The following CSNK2A1 variants were observed in gnomAD, a reference collection of about 807,000 sequenced individuals.
The protein encoded by CSNK2A1 is casein kinase II subunit alpha.
A neutral mutation model predicts 62.9 loss-of-function variants in CSNK2A1; 10 were observed. The observed-to-expected ratio is 0.16, with a 90% CI of 0.10 to 0.27. CSNK2A1 has a LOEUF of 0.27. CSNK2A1 is among the 10% of genes least tolerant of loss of function. CSNK2A1 has a pLI of 1.00. For synonymous variants in CSNK2A1, 124 were observed against 167.8 expected (o/e 0.74, Z 2.02); for missense variants, 160 against 492.0 (o/e 0.33, Z 6.38).
intron 11 of CSNK2A1, 46 bp downstream of exon 11, chr20:488,632 C>CA: frequency 6.3e-7 from 1 of 1,584,736 alleles, no homozygotes; most frequent in Non-Finnish European, 8.6e-7. Context: ...AGTTCACTCT[C>CA]AAAGTGCTTA....
At chr20:485,099 A>ATAATAATAATAATAAT (rs2018056429) in intron 13 of CSNK2A1, among the ~76,000 whole-genome samples, 3 of 34,458 alleles carry the variant, frequency 8.7e-5, no homozygotes, top group Admixed American at 4.4e-4. Context: ...AAAAAAAAAA[A>ATAATAATAATAATAAT]AAAAAAAAAA....
chr20:541,611 G>A (rs1425922687), intron 1 of CSNK2A1, among the ~76,000 whole-genome samples: 1 of 152,176 alleles, frequency 6.6e-6, no homozygotes, highest in African/African-American at 2.4e-5. Context: ...GCGCAGTATG[G>A]AAAAGGAGTT....
rs6052492 is a variant in CSNK2A1, at chr20:500,963, A to T, written c.214-1029T>A. 26 of 152,028 alleles carry T rather than the reference A, an allele frequency of 1.7e-4. 1 individual carries two copies. The highest frequency in any genetic ancestry group is 6.3e-4 in the African/African-American group (26 of 41,392). 9.4% of individuals were successfully genotyped at this position (152,028 alleles called of 1,614,324 possible). ...GAGTATTCTGCAGAGCATATCTTAA[A>T]CATTCCTTTGTCCTTACCCATTCTT... On this transcript the variant is annotated intron_variant, in intron 4 of 13. Transcript: ENST00000217244.
intron 2 of CSNK2A1, among the ~76,000 whole-genome samples, chr20:510,680 A>G (rs574474548): frequency 6.6e-6 from 1 of 152,334 alleles, no homozygotes; most frequent in Admixed American, 6.5e-5. Flanking sequence ...CGTAAAGGGA[A>G]TAGAGATGCC....
At chr20:506,396 G>C (rs1805863378) in intron 3 of CSNK2A1, 1 of 152,128 alleles carries the variant, frequency 6.6e-6, no homozygotes, top group Non-Finnish European at 1.5e-5. Context: ...GTAGTACGAA[G>C]CACATTATAG....
intron 9 of CSNK2A1, among the ~76,000 whole-genome samples, chr20:490,335 C>CTTTTTTTTTTTTTT (rs907727482): frequency 5.9e-5 from 5 of 84,786 alleles, no homozygotes; most frequent in East Asian, 3.4e-4. Context: ...CTAGTTTTTT[C>CTTTTTTTTTTTTTT]TTTTTTTTTT....
At chr20:523,858 C>CAAAAAAAAAAAAAAAAAAAA (rs11401840) in intron 2 of CSNK2A1, among the ~76,000 whole-genome samples, 4 of 45,540 alleles carry the variant, frequency 8.8e-5, no homozygotes, top group African/African-American at 3.7e-4. Flanking sequence ...GACTCCATCT[C>CAAAAAAAAAAAAAAAAAAAA]AAAAAAAAAA....
Position 483,786 on chromosome 20 carries a change from G to A in CSNK2A1, c.*175C>T. ...TCGAGTTAAAAAAAAAAAGAAAAAA[G>A]AAAATCAGCCTATTATAATTTTTTT... is the stretch of plus-strand genomic sequence containing the variant. On this transcript the variant is annotated 3_prime_UTR_variant, in exon 14 of 14. Coordinates refer to ENST00000217244, the MANE Select transcript of CSNK2A1 (RefSeq NM_177559.3). 1 of 419,624 alleles carries A rather than the reference G, an allele frequency of 2.4e-6. No homozygotes were observed. 26.0% of individuals were successfully genotyped at this position (419,624 alleles called of 1,614,324 possible). A position where few individuals can be genotyped will look rare whatever the true frequency, so the allele number is the denominator to read the frequency against.
At chr20:488,874 T>C (rs770999955) in intron 10 of CSNK2A1, 96 bp from the exon 11 acceptor site, 1 of 1,160,614 alleles carries the variant, frequency 8.6e-7, no homozygotes, top group South Asian at 1.4e-5. Context: ...CGGGTCATCA[T>C]GTCTACAGGT....
chr20:518,332 T>C (rs1353785481), intron 2 of CSNK2A1, among the ~76,000 whole-genome samples: 1 of 152,140 alleles, frequency 6.6e-6, no homozygotes. Context: ...AGGTGGGACT[T>C]CAGAGGCATA....
At chr20:509,877 A>G (rs1472193170) in intron 2 of CSNK2A1, among the ~76,000 whole-genome samples, 2 of 152,108 alleles carry the variant, frequency 1.3e-5, no homozygotes, top group African/African-American at 4.8e-5. Flanking sequence ...GCACCCAGCC[A>G]TAACTTCAAT....
At position 499,003 on chromosome 20, in the gene CSNK2A1, AG is replaced by A; in HGVS notation, c.366+251del. On this transcript the variant is annotated intron_variant, in intron 6 of 13. Transcript: ENST00000217244. This position sits in a 1 kb window ranked among gnomAD's most constrained non-coding sequence, Gnocchi z 4.2. ...TGCCTTCATTAGGTTGGACATCAGC[AG>A]AAACTGTCAACTAAGTAGTGAGAAG... 3.8e-6 allele frequency: 1 copy of A among 263,262 alleles called. No homozygotes were observed. 16.3% of individuals were successfully genotyped at this position (263,262 alleles called of 1,614,324 possible).
intron 1 of CSNK2A1, among the ~76,000 whole-genome samples, chr20:537,425 A>ACTC (rs2019357772): frequency 6.6e-6 from 1 of 152,170 alleles, no homozygotes; most frequent in Non-Finnish European, 1.5e-5. Flanking sequence ...CACTCTTAGC[A>ACTC]GTATCTTGTG....
intron 9 of CSNK2A1, 31 bp downstream of exon 9, chr20:492,223 A>T (rs758857017): frequency 6.3e-7 from 1 of 1,583,502 alleles, no homozygotes; most frequent in African/African-American, 1.3e-5. Flanking sequence ...TAAACACAGG[A>T]TCAAAACTGT....
intron 3 of CSNK2A1, chr20:505,780 T>C (rs2018569058): frequency 6.6e-6 from 1 of 152,042 alleles, no homozygotes; most frequent in African/African-American, 2.4e-5. Context: ...TTTACATCTT[T>C]ATTGGCACAT....
chr20:511,703 T>C (rs866423744), intron 2 of CSNK2A1, among the ~76,000 whole-genome samples: 3,228 of 151,018 alleles, frequency 0.021, 84 homozygotes, highest in African/African-American at 0.062. Flanking sequence ...TGTATATATA[T>C]ACACACACAC....
Position 489,901 on chromosome 20 carries a change from CTGT to C in CSNK2A1, c.622-23_622-21del, listed in dbSNP as rs764074374. On this transcript the variant is annotated intron_variant, in intron 9 of 13. Coordinates refer to ENST00000217244, the MANE Select transcript of CSNK2A1 (RefSeq NM_177559.3). ...GTACATCTGCATAAAAGTAAACTCA[CTGT>C]TATTATCTGTGAATCCTCAGGCTTG... 1.4e-5 allele frequency: 22 copies of C among 1,566,058 alleles called. No homozygotes were observed. The highest frequency in any genetic ancestry group is 2.3e-5 in the East Asian group (1 of 44,438).
chr20:526,130 A>C (rs1039384044), intron 2 of CSNK2A1, among the ~76,000 whole-genome samples: 14 of 152,200 alleles, frequency 9.2e-5, no homozygotes, highest in Non-Finnish European at 1.5e-5. Flanking sequence ...GAAAAGCAGC[A>C]ATCAAAGAAA....
At chr20:492,156 G>C (rs2122521183) in intron 9 of CSNK2A1, 98 bp downstream of exon 9, 2 of 894,612 alleles carry the variant, frequency 2.2e-6, no homozygotes, top group South Asian at 3.1e-5. Context: ...TGCATTAAGT[G>C]GCCTACCTAA....
Sources: allele counts gnomAD v4.1 joint callset (sites outside exome capture counted in the v4.1 genomes callset), GRCh38; gene constraint gnomAD v4.1.1; non-coding constraint Gnocchi (gnomAD v3.1); transcripts MANE v1.5; gene names NCBI Gene and HGNC (gene_info 2026-07-23, HGNC 2026-07-21).